Variants in DENND1B observed in about 807,000 individuals in gnomAD.
DENND1B encodes DENN domain containing 1B.
Under a neutral mutation model 90.1 loss-of-function variants are expected in DENND1B, and 59 were observed. The ratio of observed to expected loss-of-function variants is 0.65; its 90% CI spans 0.53 to 0.81. DENND1B has a LOEUF of 0.81. Among genes scored for constraint, DENND1B ranks in the 40% least tolerant of loss-of-function variants. The pLI is 0.00. For missense variants in DENND1B, 862 were observed against 912.6 expected, an observed-to-expected ratio of 0.94 and a Z score of 0.71; for synonymous variants, 337 against 324.6, an observed-to-expected ratio of 1.04 and a Z score of -0.41.
intron 15 of DENND1B, among the ~76,000 whole-genome samples, chr1:197,563,020 T>G (rs1178407650): frequency 6.6e-6 from 1 of 151,872 alleles, no homozygotes; most frequent in East Asian, 1.9e-4. Flanking sequence ...GTGAGACATG[T>G]GAGAAAGCTG....
At chr1:197,718,741 T>C (rs560487310) in intron 2 of DENND1B, among the ~76,000 whole-genome samples, 77 of 152,116 alleles carry the variant, frequency 5.1e-4, no homozygotes, top group Non-Finnish European at 9.9e-4. Context: ...GGGGAGAACA[T>C]TCTAGAGTGA....
chr1:197,536,306 T>A (rs528793442), intron 20 of DENND1B, among the ~76,000 whole-genome samples: 1 of 152,304 alleles, frequency 6.6e-6, no homozygotes, highest in South Asian at 2.1e-4. Flanking sequence ...TCCTAAAGAA[T>A]GCCTATATCC....
chr1:197,665,841 A>T (rs1654887967), intron 5 of DENND1B, among the ~76,000 whole-genome samples: 1 of 152,144 alleles, frequency 6.6e-6, no homozygotes, highest in African/African-American at 2.4e-5. Context: ...TTATCACAAT[A>T]GAAAAAAATT....
At chr1:197,639,206 G>T (rs1029321037) in intron 10 of DENND1B, among the ~76,000 whole-genome samples, 7 of 151,902 alleles carry the variant, frequency 4.6e-5, no homozygotes, top group African/African-American at 1.7e-4. Flanking sequence ...TGGGACTACA[G>T]GTGCGTGGTA....
chr1:197,669,357 G>A (rs890739476), intron 5 of DENND1B, among the ~76,000 whole-genome samples: 12 of 151,922 alleles, frequency 7.9e-5, no homozygotes, highest in African/African-American at 1.9e-4. Flanking sequence ...GGATAAACTC[G>A]GACTAAAAGC....
intron 20 of DENND1B, among the ~76,000 whole-genome samples, chr1:197,527,221 A>G (rs1387479202): frequency 6.6e-6 from 1 of 152,038 alleles, no homozygotes; most frequent in African/African-American, 2.4e-5. Context: ...TCATTTAGGC[A>G]GTATTTTTTT....
intron 15 of DENND1B, among the ~76,000 whole-genome samples, chr1:197,580,203 T>C (rs142472136): frequency 0.014 from 2,055 of 146,796 alleles, 19 homozygotes; most frequent in Middle Eastern, 0.038. Context: ...GCCATTTTCC[T>C]GCTTCAGCCT....
At chr1:197,552,542 G>C (rs1347762613) in intron 16 of DENND1B, 1 of 985,380 alleles carries the variant, frequency 1.0e-6, no homozygotes, top group African/African-American at 1.7e-5. Context: ...GATCTATAAA[G>C]TCAAAAAGGT....
chr1:197,723,997 G>A (rs2147300), intron 2 of DENND1B, among the ~76,000 whole-genome samples: 127,767 of 152,086 alleles, frequency 0.84, 53,957 homozygotes, highest in African/African-American at 0.92. Context: ...TTTATTCATG[G>A]CATTTAAAAT....
intron 10 of DENND1B, among the ~76,000 whole-genome samples, chr1:197,636,889 T>C (rs1679844934): frequency 6.6e-6 from 1 of 152,010 alleles, no homozygotes. Context: ...ATTAGCCCTT[T>C]ATAGTAGGAG....
At chr1:197,554,827 C>A (rs1671573518) in intron 15 of DENND1B, among the ~76,000 whole-genome samples, 3 of 56,632 alleles carry the variant, frequency 5.3e-5, no homozygotes, top group South Asian at 2.1e-3. Context: ...GGCAAGACTC[C>A]ATCTCAAAAA....
chr1:197,558,492 A>G (rs1671892296), intron 15 of DENND1B, among the ~76,000 whole-genome samples: 1 of 151,798 alleles, frequency 6.6e-6, no homozygotes, highest in Non-Finnish European at 1.5e-5. Flanking sequence ...TGAGCCAGGA[A>G]CCGTGGACAA....
chr1:197,694,289 A>T (rs1658207705), intron 3 of DENND1B, among the ~76,000 whole-genome samples: 1 of 151,504 alleles, frequency 6.6e-6, no homozygotes, highest in Admixed American at 6.6e-5. Flanking sequence ...ATTATTTCAA[A>T]GTAACATATT....
chr1:197,643,708 T>C (rs900072127), intron 9 of DENND1B, among the ~76,000 whole-genome samples: 17 of 152,310 alleles, frequency 1.1e-4, no homozygotes, highest in Non-Finnish European at 1.8e-4. Flanking sequence ...TTATATCCAC[T>C]ATAATCAAAT....
intron 15 of DENND1B, among the ~76,000 whole-genome samples, chr1:197,554,318 A>G (rs1234506089): frequency 6.6e-6 from 1 of 151,930 alleles, no homozygotes; most frequent in Non-Finnish European, 1.5e-5. Context: ...TGCAAGGAGG[A>G]CTTGAAGATG....
At chr1:197,526,935 T>C (rs1160683827) in intron 20 of DENND1B, among the ~76,000 whole-genome samples, 2 of 152,176 alleles carry the variant, frequency 1.3e-5, no homozygotes, top group African/African-American at 4.8e-5. Flanking sequence ...CTATCTTCTT[T>C]TAAGGAAAGT....
chr1:197,776,040 G>GGCAGACATTCCTATACC (rs1160566685), upstream of DENND1B, among the ~76,000 whole-genome samples: 12 of 152,284 alleles, frequency 7.9e-5, no homozygotes, highest in African/African-American at 2.6e-4. Context: ...GCATGTGGGA[G>GGCAGACATTCCTATACC]GCAGACATTC....
At chr1:197,738,153 G>A (rs1662888495) in intron 2 of DENND1B, among the ~76,000 whole-genome samples, 1 of 152,190 alleles carries the variant, frequency 6.6e-6, no homozygotes, top group South Asian at 2.1e-4. Context: ...TAGCATGCAT[G>A]AGTACCCTCT....
intron 16 of DENND1B, 99 bp from the exon 17 acceptor site, chr1:197,546,872 G>A: frequency 3.0e-6 from 3 of 1,004,310 alleles, no homozygotes; most frequent in East Asian, 2.7e-5. Flanking sequence ...TTTTTAGTAG[G>A]CAAATTTTAT....
Sources: gnomAD v4.1 joint callset for allele counts (sites outside exome capture counted in the v4.1 genomes callset) on GRCh38, gnomAD v4.1.1 for gene constraint, MANE v1.5 for transcripts, NCBI Gene and HGNC (gene_info 2026-07-23, HGNC 2026-07-21) for gene names.